MDM1: variants seen among roughly 807,000 people sequenced by gnomAD.
MDM1 encodes the protein Mdm1 nuclear protein.
In MDM1, 61 loss-of-function variants were observed where a neutral mutation model predicts 89.1. The observed-to-expected ratio is 0.68, with a 90% CI of 0.56 to 0.85. MDM1 has a LOEUF of 0.85. Ranked by LOEUF, MDM1 falls within the 40% of genes least tolerant of loss-of-function variation. The pLI is 0.00. For missense variants in MDM1, 820 were observed against 846.5 expected, an observed-to-expected ratio of 0.97 and a Z score of 0.39; for synonymous variants, 290 against 294.1, an observed-to-expected ratio of 0.99 and a Z score of 0.14.
intron 7 of MDM1, among the ~76,000 whole-genome samples, chr12:68,317,153 A>T (rs1179291927): frequency 6.6e-6 from 1 of 152,170 alleles, no homozygotes; most frequent in Admixed American, 6.5e-5. Context: ...TAATAAAGTG[A>T]TATGAATTAT....
At chr12:68,296,827 G>C (rs1310037042) in intron 14 of MDM1, 96 bp downstream of exon 14, 2 of 745,216 alleles carry the variant, frequency 2.7e-6, no homozygotes, top group Non-Finnish European at 2.0e-6. Flanking sequence ...ATCTGTGGAA[G>C]TACTTCATAA....
In MDM1 at chr12:68,325,393, C is replaced by A. The variant is rs759760056; in HGVS notation, c.633+48G>T. On this transcript the variant is annotated intron_variant, in intron 4 of 14. Transcript: ENST00000682720. Reference sequence around the variant, plus strand: ...CTTAATTCTATGTAAATCTACATTACTAGATAAGATAATGGTACTCAGAAA... The same window carrying A: ...CTTAATTCTATGTAAATCTACATTAATAGATAAGATAATGGTACTCAGAAA... 5.6e-6 allele frequency: 8 copies of A among 1,435,432 alleles called. No individual in the cohort carries two copies. The Admixed American group carries it at 1.0e-4, about 19-fold the overall frequency. 88.9% of individuals were successfully genotyped at this position (1,435,432 alleles called of 1,614,324 possible). A position where few individuals can be genotyped will look rare whatever the true frequency, so the allele number is the denominator to read the frequency against.
intron 7 of MDM1, among the ~76,000 whole-genome samples, chr12:68,317,450 T>C (rs1469759292): frequency 6.6e-6 from 1 of 151,724 alleles, no homozygotes; most frequent in Non-Finnish European, 1.5e-5. Context: ...GTAAAAGCAA[T>C]TGTAGAAACA....
Position 68,296,984 on chromosome 12 carries a change from T to G in MDM1, c.2003-2A>C. Reference sequence around the variant, plus strand: ...AATTGTTCATCCTTGCTTTTCCCACTTAAAAAAAAAAAGGCAGAATAAATT... The same window carrying G: ...AATTGTTCATCCTTGCTTTTCCCACGTAAAAAAAAAAAGGCAGAATAAATT... On this transcript the variant is annotated splice_acceptor_variant, in intron 13 of 14. Coordinates refer to ENST00000682720, the MANE Select transcript of MDM1 (RefSeq NM_001354969.2). LOFTEE classifies it high-confidence loss of function. 2.5e-6 allele frequency: 4 copies of G among 1,585,668 alleles called. No homozygotes were observed. Among genetic ancestry groups the G allele is most frequent in the Admixed American group, 1.8e-5 (1 of 54,644 alleles).
In MDM1 at chr12:68,325,528, T is replaced by C. The variant is rs775669250; in HGVS notation, c.546A>G (p.Ser182=). 61 of 1,598,242 alleles carry C rather than the reference T, an allele frequency of 3.8e-5. No individual in the cohort carries two copies. Among genetic ancestry groups the C allele is most frequent in the Admixed American group, 5.2e-5 (3 of 57,880 alleles). The change falls in exon 4 of 15, where the codon TCA becomes TCG. Residue 182 remains serine (S), a synonymous_variant. Coordinates refer to ENST00000682720, the MANE Select transcript of MDM1 (RefSeq NM_001354969.2). The stretch of plus-strand genomic sequence containing the variant: ...ATTCAGAATTTCTCAAGGCATTATA[T>C]GAAGGAACAACAGTCAATCCAGCTT... The part of the protein sequence containing the change: ...RKKAGLTVVP[S]YNALRNSEYQ...
At position 68,314,949 on chromosome 12, in the gene MDM1, C is replaced by T. The variant is rs527239302; in HGVS notation, c.1528G>A (p.Gly510Arg). The T allele has an allele frequency of 4.3e-6, 7 of 1,611,482 alleles. No individual in the cohort carries two copies. Among genetic ancestry groups the T allele is most frequent in the Non-Finnish European group, 5.9e-6 (7 of 1,177,996 alleles). Residue 510 changes from glycine to arginine, a missense_variant and splice_region_variant, in exon 10 of 15, where the codon GGG (glycine) becomes AGG (arginine). Transcript: ENST00000682720. ...EKSKADKMKE[G>R]SDSSVSSEKG... is the part of the protein sequence containing the mutation. ...TACTGAGTAATTTAAAACTCTCACC[C>T]TTCTTTCATCTTATCTGCCTTAGAT...
intron 12 of MDM1, among the ~76,000 whole-genome samples, chr12:68,307,081 T>C (rs1277429679): frequency 6.6e-6 from 1 of 152,158 alleles, no homozygotes; most frequent in East Asian, 1.9e-4. Flanking sequence ...TCTAATTGAA[T>C]TAACACAGAA....
Position 68,323,080 on chromosome 12 carries a change from T to C in MDM1, c.794A>G (p.Glu265Gly), listed in dbSNP as rs545434178. 3 of 1,604,456 alleles carry C rather than the reference T, an allele frequency of 1.9e-6. No homozygotes were observed. In the South Asian group the frequency reaches 3.4e-5, roughly 18 times the overall value. Reference sequence around the variant, plus strand: ...TTAAAAGTTGATGAATACCTTCCTTTCAGGAGACACTGTTTCAAGATTTCT... The same window carrying C: ...TTAAAAGTTGATGAATACCTTCCTTCCAGGAGACACTGTTTCAAGATTTCT... ...ENRNLETVSPERKSNKIDDRL... is the reference protein window; with the variant it reads ...ENRNLETVSPGRKSNKIDDRL... The change falls in exon 5 of 15, where the codon GAA (glutamate) becomes GGA (glycine). Residue 265 changes from glutamate to glycine, a missense_variant. Transcript: ENST00000682720.
At chr12:68,304,891 A>AT (rs1308380745) in intron 12 of MDM1, among the ~76,000 whole-genome samples, 1 of 152,226 alleles carries the variant, frequency 6.6e-6, no homozygotes, top group Non-Finnish European at 1.5e-5. Flanking sequence ...TCCCAGTGAC[A>AT]TCAGAATAAC....
At chr12:68,298,465 G>A (rs1871706060) in intron 13 of MDM1, among the ~76,000 whole-genome samples, 1 of 152,004 alleles carries the variant, frequency 6.6e-6, no homozygotes, top group African/African-American at 2.4e-5. Context: ...TTGGAGAAGG[G>A]GTCTTATTTC....
At chr12:68,325,257 TATA>T (rs1329034306) in intron 4 of MDM1, 181 bp downstream of exon 4, 3 of 1,243,696 alleles carry the variant, frequency 2.4e-6, no homozygotes, top group East Asian at 3.3e-5. Context: ...CCTAGGACAG[TATA>T]ATATTACTAC....
At chr12:68,314,911 T>TATC (rs1874246445) in intron 10 of MDM1, 37 bp downstream of exon 10, 3 of 1,516,054 alleles carry the variant, frequency 2.0e-6, no homozygotes, top group Admixed American at 1.8e-5. Context: ...ACCATGTAAA[T>TATC]AACGCTTCTC....
At chr12:68,297,173 T>G (rs1871519197) in intron 13 of MDM1, among the ~76,000 whole-genome samples, 191 bp from the exon 14 acceptor site, 1 of 152,188 alleles carries the variant, frequency 6.6e-6, no homozygotes. Flanking sequence ...GAAATTACCA[T>G]AAAAGGGCCA....
chr12:68,325,514 C>A lies in MDM1; in HGVS notation c.560G>T (p.Arg187Ile). The A allele has an allele frequency of 1.3e-6, 2 of 1,599,316 alleles. No individual in the cohort carries two copies. Among genetic ancestry groups the A allele is most frequent in the Non-Finnish European group, 1.7e-6 (2 of 1,173,484 alleles). ...LTVVPSYNAL[R>I]NSEYQRQFVW... is the part of the protein sequence containing the mutation. ...AAACTGCCTTTGATATTCAGAATTT[C>A]TCAAGGCATTATATGAAGGAACAAC... is the stretch of plus-strand genomic sequence containing the variant. The change falls in exon 4 of 15, where the codon AGA becomes ATA. Residue 187 changes from arginine (R) to isoleucine (I), a missense_variant. Transcript: ENST00000682720.
intron 9 of MDM1, 23 bp downstream of exon 9, chr12:68,316,055 G>A: frequency 6.4e-7 from 1 of 1,560,820 alleles, no homozygotes. Context: ...AACTTTTTTT[G>A]CCATCCACAA....
chr12:68,313,569 G>A lies in MDM1; in HGVS notation c.1640-17C>T, dbSNP rs777917640. 1.2e-6 allele frequency: 2 copies of A among 1,610,038 alleles called. No homozygotes were observed. Among genetic ancestry groups the A allele is most frequent in the African/African-American group, 2.7e-5 (2 of 74,792 alleles). On this transcript the variant is annotated splice_polypyrimidine_tract_variant and intron_variant, in intron 11 of 14. Coordinates refer to ENST00000682720, the MANE Select transcript of MDM1 (RefSeq NM_001354969.2). Reference sequence around the variant, plus strand: ...CAGCACCACCTGGAAAAATAAAGATGACAGTTTCAATTACACTAAATTAAC... The same window carrying A: ...CAGCACCACCTGGAAAAATAAAGATAACAGTTTCAATTACACTAAATTAAC...
At chr12:68,305,656 C>T (rs1017053553) in intron 12 of MDM1, among the ~76,000 whole-genome samples, 2 of 151,902 alleles carry the variant, frequency 1.3e-5, no homozygotes, top group African/African-American at 4.8e-5. Flanking sequence ...GTTACAATGG[C>T]CCCCCAAAAA....
intron 1 of MDM1, chr12:68,332,020 C>A: frequency 1.4e-6 from 1 of 721,948 alleles, no homozygotes; most frequent in Non-Finnish European, 2.5e-6. Context: ...CTTCGACACA[C>A]TGCAGCTTGC....
intron 10 of MDM1, 64 bp from the exon 11 acceptor site, chr12:68,313,817 C>A: frequency 7.4e-7 from 1 of 1,360,356 alleles, no homozygotes; most frequent in Non-Finnish European, 1.0e-6. Context: ...ATAAAAAATA[C>A]TTTGCCATCA....
Sources: gnomAD v4.1 joint callset for allele counts (sites outside exome capture counted in the v4.1 genomes callset) on GRCh38, gnomAD v4.1.1 for gene constraint, MANE v1.5 for transcripts, NCBI Gene and HGNC (gene_info 2026-07-23, HGNC 2026-07-21) for gene names.